Variants in PCDHGA4 observed in about 807,000 individuals in gnomAD.
The protein encoded by PCDHGA4 is protocadherin gamma-A4.
In PCDHGA4, 38 loss-of-function variants were observed where a neutral mutation model predicts 54.6. The observed-to-expected ratio is 0.70, with a 90% CI of 0.54 to 0.91. The LOEUF is 0.91. PCDHGA4 is among the 40% of genes least tolerant of loss of function. PCDHGA4 has a pLI of 0.00. For synonymous variants in PCDHGA4, 511 were observed against 512.9 expected (o/e 1.00, Z 0.05); for missense variants, 1,298 against 1,220.9 (o/e 1.06, Z -0.94).
intron 1 of PCDHGA4, chr5:141,409,789 G>T: frequency 6.2e-7 from 1 of 1,612,036 alleles, no homozygotes; most frequent in Non-Finnish European, 8.5e-7. Context: ...GCGCCTTCGC[G>T]CTCACGCTGC....
intron 1 of PCDHGA4, among the ~76,000 whole-genome samples, chr5:141,401,937 T>A (rs531669581): frequency 2.6e-5 from 4 of 152,356 alleles, no homozygotes; most frequent in African/African-American, 7.2e-5. Flanking sequence ...TAGAATAATG[T>A]TTAAGACCAC....
intron 1 of PCDHGA4, chr5:141,370,753 C>G: frequency 6.2e-7 from 1 of 1,613,950 alleles, no homozygotes; most frequent in Non-Finnish European, 8.5e-7. Flanking sequence ...TTTCATGTAA[C>G]TGTGCTGATC....
intron 1 of PCDHGA4, chr5:141,420,142 G>T: frequency 4.3e-6 from 7 of 1,614,004 alleles, no homozygotes; most frequent in Non-Finnish European, 5.9e-6. Flanking sequence ...GGGATCAAAT[G>T]AATCCAGAAT....
intron 1 of PCDHGA4, among the ~76,000 whole-genome samples, chr5:141,364,017 G>C (rs535899523): frequency 1.3e-5 from 2 of 152,304 alleles, no homozygotes; most frequent in South Asian, 2.1e-4. Context: ...ACGCTACACA[G>C]TTAAACATTA....
chr5:141,395,179 A>T (rs1031739375), intron 1 of PCDHGA4: 2 of 1,614,164 alleles, frequency 1.2e-6, no homozygotes, highest in Non-Finnish European at 1.7e-6. Context: ...GAGAAAAATG[A>T]TTCTTTGTTA....
chr5:141,384,356 A>G, intron 1 of PCDHGA4: 3 of 1,613,862 alleles, frequency 1.9e-6, no homozygotes, highest in Non-Finnish European at 1.7e-6. Flanking sequence ...GATAATGCCC[A>G]GATCACTTAT....
rs561451935 is a variant in PCDHGA4 at position 141,423,179 on chromosome 5, G to A, written c.2514+65558G>A. 21 of 1,613,516 alleles carry A rather than the reference G, an allele frequency of 1.3e-5. No individual in the cohort carries two copies. The South Asian group carries it at 2.1e-4, about 16-fold the overall frequency. ...CTCGTGGTGGCCGTCCAGGACCACG[G>A]CCAGCCCCCTCTCTCGGCCACCGTC... On this transcript the variant is annotated intron_variant, in intron 1 of 3. Transcript: ENST00000571252.
rs1284287216 is a variant in PCDHGA4 at position 141,398,423 on chromosome 5, A to C, written c.2514+40802A>C. On this transcript the variant is annotated intron_variant, in intron 1 of 3. Transcript: ENST00000571252. ...GACAGGGAGGAGATATGCGGGAAGA[A>C]GCCAGCTTGTGCTCTGGAATTTGAG... 2.0e-6 allele frequency: 3 copies of C among 1,514,696 alleles called. No individual in the cohort carries two copies. In the South Asian group the frequency reaches 3.4e-5, roughly 17 times the overall value. The allele number at this position is 1,514,696 out of a possible 1,614,324, so 93.8% of individuals were successfully genotyped here.
chr5:141,375,828 C>T, intron 1 of PCDHGA4: 1 of 1,614,168 alleles, frequency 6.2e-7, no homozygotes. Context: ...CCCCGCTCCG[C>T]AGAGCCCGGC....
chr5:141,419,647 G>C (rs370948584), intron 1 of PCDHGA4: 6 of 1,612,592 alleles, frequency 3.7e-6, no homozygotes, highest in Non-Finnish European at 5.1e-6. Context: ...CCGTGGACGC[G>C]GACTCGGGGC....
At chr5:141,474,607 A>C (rs1334447439) in intron 1 of PCDHGA4, among the ~76,000 whole-genome samples, 1 of 152,238 alleles carries the variant, frequency 6.6e-6, no homozygotes, top group Non-Finnish European at 1.5e-5. Context: ...TAGGTCACAT[A>C]TGGCTTTTCA....
At chr5:141,451,812 C>T (rs974567828) in intron 1 of PCDHGA4, among the ~76,000 whole-genome samples, 1 of 149,686 alleles carries the variant, frequency 6.7e-6, no homozygotes, top group Non-Finnish European at 1.5e-5. Context: ...ACCCAGGAGG[C>T]GGAGGTTACA....
intron 1 of PCDHGA4, chr5:141,375,260 G>A: frequency 6.2e-7 from 1 of 1,613,874 alleles, no homozygotes; most frequent in Non-Finnish European, 8.5e-7. Flanking sequence ...TCTCCCATTT[G>A]AATTGGAAAA....
At chr5:141,478,165 C>T (rs780594020) in intron 1 of PCDHGA4, 18 of 1,613,920 alleles carry the variant, frequency 1.1e-5, no homozygotes, top group Non-Finnish European at 1.5e-5. Context: ...GCTCTGCCCC[C>T]CGGGAGCAGA....
intron 1 of PCDHGA4, among the ~76,000 whole-genome samples, chr5:141,464,747 G>A (rs969116049): frequency 2.0e-5 from 3 of 151,812 alleles, no homozygotes; most frequent in Admixed American, 2.0e-4. Context: ...ATATCTTTTT[G>A]TTTTTTTAGA....
At chr5:141,460,989 A>G (rs199888312) in intron 1 of PCDHGA4, among the ~76,000 whole-genome samples, 3,445 of 98,242 alleles carry the variant, frequency 0.035, 55 homozygotes, top group African/African-American at 0.064. Context: ...GTGTGTATAT[A>G]TATATATGTG....
intron 1 of PCDHGA4, chr5:141,399,433 C>T (rs1485508239): frequency 1.9e-6 from 3 of 1,613,892 alleles, no homozygotes; most frequent in Non-Finnish European, 2.5e-6. Flanking sequence ...AAGCGTCATC[C>T]TACATATCAG....
chr5:141,444,710 T>A (rs2098445001), intron 1 of PCDHGA4, among the ~76,000 whole-genome samples: 1 of 152,236 alleles, frequency 6.6e-6, no homozygotes, highest in Admixed American at 6.5e-5. Flanking sequence ...TTCTGTTGAA[T>A]TTGCTTGGTG....
At position 141,388,323 on chromosome 5, in the gene PCDHGA4, C is replaced by T. The variant is rs534112048; in HGVS notation, c.2514+30702C>T. On this transcript the variant is annotated intron_variant, in intron 1 of 3. Coordinates refer to ENST00000571252, the MANE Select transcript of PCDHGA4 (RefSeq NM_018917.4). ...TGAGCTGCAAATAAGTGAGTCTGCA[C>T]AGCCTGGCACACGATTTATATTAGG... 54 of 1,613,894 alleles carry T rather than the reference C, an allele frequency of 3.3e-5. No individual in the cohort carries two copies. In the East Asian group the frequency reaches 1.2e-3, roughly 35 times the overall value.
Sources: gnomAD v4.1 joint callset for allele counts (sites outside exome capture counted in the v4.1 genomes callset) on GRCh38, gnomAD v4.1.1 for gene constraint, MANE v1.5 for transcripts, NCBI Gene and HGNC (gene_info 2026-07-23, HGNC 2026-07-21) for gene names.